The following NLRP8 variants were observed in gnomAD, a reference collection of about 807,000 sequenced individuals.
NLRP8 encodes the protein NLR family pyrin domain containing 8.
NLRP8 carries 86 observed loss-of-function variants against 88.7 expected under a neutral mutation model. The ratio of observed to expected loss-of-function variants is 0.97; its 90% CI spans 0.81 to 1.16. NLRP8 has a LOEUF of 1.16. Among genes scored for constraint, NLRP8 ranks in the 50% most tolerant of loss-of-function variants. The probability of loss-of-function intolerance (pLI) is 0.00; values close to 1 mark genes in which losing one functional copy is unlikely to be tolerated. For missense variants in NLRP8, 1,342 were observed against 1,286.5 expected, an observed-to-expected ratio of 1.04 and a Z score of -0.66; for synonymous variants, 504 against 494.6, an observed-to-expected ratio of 1.02 and a Z score of -0.25.
At chr19:55,972,792 T>C (rs1980133808) in intron 6 of NLRP8, among the ~76,000 whole-genome samples, 2 of 70,394 alleles carry the variant, frequency 2.8e-5, no homozygotes, top group Admixed American at 3.6e-4. Context: ...TATTCCATGG[T>C]GTGTGTGTGT....
At chr19:55,957,641 G>A (rs577287433) in intron 3 of NLRP8, among the ~76,000 whole-genome samples, 34 of 142,926 alleles carry the variant, frequency 2.4e-4, no homozygotes, top group Non-Finnish European at 2.4e-4. Flanking sequence ...AGCCGAGATC[G>A]CGCCACTATC....
chr19:55,966,604 C>A (rs988028721), intron 5 of NLRP8, among the ~76,000 whole-genome samples: 1 of 152,078 alleles, frequency 6.6e-6, no homozygotes, highest in African/African-American at 2.4e-5. Flanking sequence ...ACCAACCTGG[C>A]CAACATGGTG....
intron 1 of NLRP8, among the ~76,000 whole-genome samples, chr19:55,949,687 A>G (rs1979007072): frequency 6.6e-6 from 1 of 152,064 alleles, no homozygotes; most frequent in African/African-American, 2.4e-5. Flanking sequence ...ACATGATAGG[A>G]GCTGTGAACC....
Position 55,954,630 on chromosome 19 carries a change from G to A in NLRP8, c.572G>A (p.Cys191Tyr), listed in dbSNP as rs1441485895. 6.2e-7 allele frequency: 1 copy of A among 1,614,188 alleles called. No homozygotes were observed. Among genetic ancestry groups the A allele is most frequent in the Non-Finnish European group, 8.5e-7 (1 of 1,180,038 alleles). ...CACAGGCACGAGGAGTACTTACCAT[G>A]TCTGCTTCTGCCCAAAAGACCCCAG... The change falls in exon 3 of 10, where the codon TGT (cysteine) becomes TAT (tyrosine). Residue 191 changes from cysteine to tyrosine, a missense_variant. Coordinates refer to ENST00000291971, the MANE Select transcript of NLRP8 (RefSeq NM_176811.2).
At chr19:55,985,088 G>A (rs980923158) in intron 9 of NLRP8, among the ~76,000 whole-genome samples, 1 of 152,214 alleles carries the variant, frequency 6.6e-6, no homozygotes, top group Non-Finnish European at 1.5e-5. Context: ...CGGATCACAA[G>A]GTCAGGAGTT....
chr19:55,973,667 C>G lies in NLRP8; in HGVS notation c.2550C>G (p.Asn850Lys). 1 of 1,612,648 alleles carries G rather than the reference C, an allele frequency of 6.2e-7. No individual in the cohort carries two copies. Among genetic ancestry groups the G allele is most frequent in the Non-Finnish European group, 8.5e-7 (1 of 1,179,030 alleles). ...TCTCCCATAGGATAGAGAACTGCAA[C>G]CTTACACAGCTTACTTGTGAAAGCC... is the stretch of plus-strand genomic sequence containing the variant. Residue 850 changes from asparagine to lysine, a missense_variant, in exon 7 of 10, where the codon AAC becomes AAG. Coordinates refer to ENST00000291971, the MANE Select transcript of NLRP8 (RefSeq NM_176811.2).
At position 55,976,406 on chromosome 19, in the gene NLRP8, G is replaced by A. The variant is rs902947615; in HGVS notation, c.2876+103G>A. On this transcript the variant is annotated intron_variant, in intron 8 of 9. Coordinates refer to ENST00000291971, the MANE Select transcript of NLRP8 (RefSeq NM_176811.2). ...GAAAGGGCTGTCTTTTTAAGTTTCT[G>A]GATTGTTCCCTCCATTGAATTGGAG... 2.0e-5 allele frequency: 20 copies of A among 1,007,496 alleles called. No individual in the cohort carries two copies. In the Admixed American group the frequency reaches 6.8e-4, roughly 34 times the overall value. 62.4% of individuals were successfully genotyped at this position (1,007,496 alleles called of 1,614,324 possible). A position where few individuals can be genotyped will look rare whatever the true frequency, so the allele number is the denominator to read the frequency against.
intron 8 of NLRP8, among the ~76,000 whole-genome samples, chr19:55,977,499 A>G (rs200564350): frequency 6.9e-6 from 1 of 145,514 alleles, no homozygotes; most frequent in Non-Finnish European, 1.5e-5. Context: ...TTTATATTAT[A>G]TAAATATATG....
intron 3 of NLRP8, among the ~76,000 whole-genome samples, chr19:55,957,382 C>T (rs973769515): frequency 6.6e-6 from 1 of 152,028 alleles, no homozygotes; most frequent in Non-Finnish European, 1.5e-5. Context: ...AATATCTTTT[C>T]CATCTTGAAT....
rs780345701 is a variant in NLRP8 at position 55,955,816 on chromosome 19, A to G, written c.1758A>G (p.Lys586=). Residue 586 remains lysine, a synonymous_variant, in exon 3 of 10, where the codon AAA becomes AAG. Coordinates refer to ENST00000291971, the MANE Select transcript of NLRP8 (RefSeq NM_176811.2). ...AGGTGTCTTTCGGTAATAAGAGGAA[A>G]CTGCTGAAAGTCATACCTCTGTTGC... 2 of 1,614,140 alleles carry G rather than the reference A, an allele frequency of 1.2e-6. No individual in the cohort carries two copies. Among genetic ancestry groups the G allele is most frequent in the African/African-American group, 2.7e-5 (2 of 75,046 alleles).
Position 55,955,460 on chromosome 19 carries a change from G to C in NLRP8, c.1402G>C (p.Val468Leu). The change falls in exon 3 of 10, where the codon GTG becomes CTG. Residue 468 changes from valine to leucine, a missense_variant. Val to Leu is a conservative substitution (Grantham distance 32, BLOSUM62 1). Coordinates refer to ENST00000291971, the MANE Select transcript of NLRP8 (RefSeq NM_176811.2). The stretch of plus-strand genomic sequence containing the variant: ...AGACAGCATGTGGCACAGGAAATGG[G>C]TGTTAGGTAAAGAAGATCTTGAGGA... The C allele has an allele frequency of 6.2e-7, 1 of 1,614,232 alleles. No homozygotes were observed. The highest frequency in any genetic ancestry group is 8.5e-7 in the Non-Finnish European group (1 of 1,180,040).
intron 3 of NLRP8, among the ~76,000 whole-genome samples, chr19:55,960,920 G>A (rs76848125): frequency 5.5e-4 from 15 of 27,268 alleles, no homozygotes; most frequent in Non-Finnish European, 9.4e-4. Context: ...TTTTTTTTTT[G>A]AGACAGAGTC....
chr19:55,966,429 T>C lies in NLRP8; in HGVS notation c.2381+49T>C, dbSNP rs1235965692. On this transcript the variant is annotated intron_variant, in intron 5 of 9. Transcript: ENST00000291971. The stretch of plus-strand genomic sequence containing the variant: ...AGTGGGAACCGGGGTACCCGGATGG[T>C]CTTTTCAAGGGCGGTGATGAGAGGC... The C allele has an allele frequency of 1.9e-6, 3 of 1,573,110 alleles. No individual in the cohort carries two copies. In the East Asian group the frequency reaches 6.7e-5, roughly 35 times the overall value.
intron 6 of NLRP8, among the ~76,000 whole-genome samples, chr19:55,971,263 A>T (rs1200687628): frequency 1.3e-5 from 2 of 152,028 alleles, no homozygotes; most frequent in African/African-American, 4.8e-5. Flanking sequence ...AACATGGTGA[A>T]ACCCCATCTC....
At chr19:55,972,545 C>G (rs889484985) in intron 6 of NLRP8, among the ~76,000 whole-genome samples, 10 of 151,962 alleles carry the variant, frequency 6.6e-5, no homozygotes, top group Non-Finnish European at 1.2e-4. Flanking sequence ...GCAGTGTACA[C>G]TGTACCCAAT....
chr19:55,965,562 T>A (rs1979798138), intron 4 of NLRP8, among the ~76,000 whole-genome samples: 1 of 152,172 alleles, frequency 6.6e-6, no homozygotes, highest in African/African-American at 2.4e-5. Flanking sequence ...GTCCTCCGAA[T>A]CCTTCAGGAA....
At chr19:55,980,624 G>A (rs938118893) in intron 9 of NLRP8, among the ~76,000 whole-genome samples, 2 of 152,184 alleles carry the variant, frequency 1.3e-5, no homozygotes, top group Non-Finnish European at 2.9e-5. Context: ...AGTTGCTCAT[G>A]ACATTGCAGC....
intron 7 of NLRP8, among the ~76,000 whole-genome samples, chr19:55,975,052 A>G (rs1457189100): frequency 6.6e-6 from 1 of 152,204 alleles, no homozygotes; most frequent in East Asian, 1.9e-4. Context: ...TGTTTGCACC[A>G]TGGAAACTGG....
intron 7 of NLRP8, among the ~76,000 whole-genome samples, chr19:55,975,160 T>C (rs1263954248): frequency 6.6e-6 from 1 of 152,226 alleles, no homozygotes; most frequent in Non-Finnish European, 1.5e-5. Context: ...CTTTATTTCT[T>C]GTCTCACATG....
Sources: gnomAD v4.1 joint callset for allele counts (sites outside exome capture counted in the v4.1 genomes callset) on GRCh38, gnomAD v4.1.1 for gene constraint, MANE v1.5 for transcripts, NCBI Gene and HGNC (gene_info 2026-07-23, HGNC 2026-07-21) for gene names.